Variants in CPNE4 observed in about 807,000 individuals in gnomAD.
The protein encoded by CPNE4 is copine 4.
In CPNE4, 25 loss-of-function variants were observed where a neutral mutation model predicts 67.9. The observed-to-expected ratio is 0.37, with a 90% confidence interval of 0.27 to 0.51. CPNE4 has a LOEUF of 0.51. Among genes scored for constraint, CPNE4 ranks in the 20% least tolerant of loss-of-function variants. The probability of loss-of-function intolerance (pLI) is 0.93; values close to 1 mark genes in which losing one functional copy is unlikely to be tolerated. For synonymous variants in CPNE4, 242 were observed against 244.9 expected (o/e 0.99, Z 0.11); for missense variants, 464 against 690.8 (o/e 0.67, Z 3.68).
At chr3:131,636,361 G>T (rs2079385763) in intron 7 of CPNE4, among the ~76,000 whole-genome samples, 1 of 152,094 alleles carries the variant, frequency 6.6e-6, no homozygotes, top group Admixed American at 6.5e-5. Context: ...TGAAGCCTGT[G>T]ACTGCTGTCT....
chr3:131,881,714 T>A (rs1407790831), intron 2 of CPNE4, among the ~76,000 whole-genome samples: 1 of 151,926 alleles, frequency 6.6e-6, no homozygotes, highest in Non-Finnish European at 1.5e-5. Context: ...TTCAGAAATC[T>A]CCAGAGAAAA....
At chr3:131,545,444 A>G (rs1935774198) in intron 14 of CPNE4, among the ~76,000 whole-genome samples, 1 of 152,166 alleles carries the variant, frequency 6.6e-6, no homozygotes. Flanking sequence ...TCTAAGTAAA[A>G]TTTATCATTT....
chr3:131,837,377 T>C (rs928100995), intron 2 of CPNE4, among the ~76,000 whole-genome samples: 1 of 152,094 alleles, frequency 6.6e-6, no homozygotes, highest in African/African-American at 2.4e-5. Flanking sequence ...GGACAAACTA[T>C]TGATACCCAA....
chr3:131,902,594 G>T (rs942411554), intron 2 of CPNE4, among the ~76,000 whole-genome samples: 1 of 152,056 alleles, frequency 6.6e-6, no homozygotes, highest in Non-Finnish European at 1.5e-5. Context: ...CAATATTGTA[G>T]CAATGTGAGG....
At chr3:132,035,161 G>A (rs2074318439), upstream of CPNE4, 1 of 576,006 alleles carries the variant, frequency 1.7e-6, no homozygotes, top group Non-Finnish European at 2.2e-6. Flanking sequence ...GCTCTCCGTG[G>A]TCCTGCCGCG....
chr3:131,775,411 A>G (rs1295158515), intron 2 of CPNE4, among the ~76,000 whole-genome samples: 3 of 152,122 alleles, frequency 2.0e-5, no homozygotes, highest in African/African-American at 7.2e-5. Flanking sequence ...CTAGAGAAAG[A>G]GAAAGGGGAT....
rs543794086 is a variant in CPNE4 at position 131,904,669 on chromosome 3, C to T, written c.180+595G>A. 2.0e-5 allele frequency among the ~76,000 whole-genome samples: 3 copies of T among 152,154 alleles called. No individual in the cohort carries two copies. The East Asian group carries it at 5.8e-4, about 29-fold the overall frequency. On this transcript the variant is annotated intron_variant, in intron 2 of 15. Transcript: ENST00000429747. ...GCCCAGCTCCCAAAAGTGGAGTTTGCCCCTCTACTGCAGACAGAGATTTCA... is the reference window on the plus strand; with the variant it reads ...GCCCAGCTCCCAAAAGTGGAGTTTGTCCCTCTACTGCAGACAGAGATTTCA...
chr3:131,876,315 T>C (rs2087449620), intron 2 of CPNE4, among the ~76,000 whole-genome samples: 1 of 151,704 alleles, frequency 6.6e-6, no homozygotes, highest in Non-Finnish European at 1.5e-5. Flanking sequence ...GCATGCTCTT[T>C]ATTTTTTGTG....
chr3:131,840,899 T>G (rs1328759167), intron 2 of CPNE4, among the ~76,000 whole-genome samples: 1 of 152,134 alleles, frequency 6.6e-6, no homozygotes, highest in Non-Finnish European at 1.5e-5. Context: ...GTGACTTCCT[T>G]TTAACCTTTC....
At chr3:131,954,036 A>G (rs2071860966) in intron 1 of CPNE4, among the ~76,000 whole-genome samples, 1 of 152,226 alleles carries the variant, frequency 6.6e-6, no homozygotes, top group African/African-American at 2.4e-5. Flanking sequence ...ATGTATAAAT[A>G]AGAAAGACAG....
At chr3:131,776,063 G>C (rs2083283173) in intron 2 of CPNE4, among the ~76,000 whole-genome samples, 1 of 152,094 alleles carries the variant, frequency 6.6e-6, no homozygotes. Flanking sequence ...TTTCAGGCTT[G>C]AATATCCTTT....
intron 2 of CPNE4, among the ~76,000 whole-genome samples, chr3:131,871,004 G>A (rs1376576292): frequency 1.3e-5 from 2 of 152,124 alleles, no homozygotes; most frequent in Non-Finnish European, 2.9e-5. Context: ...AAAGACAATA[G>A]TTTGGGAAAC....
intron 2 of CPNE4, among the ~76,000 whole-genome samples, chr3:131,899,245 C>A (rs1043991769): frequency 6.6e-6 from 1 of 152,136 alleles, no homozygotes; most frequent in Non-Finnish European, 1.5e-5. Context: ...AGCAGGCTGG[C>A]TAGCAGGAGG....
chr3:131,955,505 T>A (rs964140895), intron 1 of CPNE4, among the ~76,000 whole-genome samples: 1 of 137,858 alleles, frequency 7.3e-6, no homozygotes, highest in Non-Finnish European at 1.5e-5. Flanking sequence ...GAATCTCCCC[T>A]CCACTTCTGG....
intron 1 of CPNE4, among the ~76,000 whole-genome samples, chr3:131,952,541 C>A (rs554218488): frequency 1.1e-5 from 1 of 87,706 alleles, no homozygotes; most frequent in African/African-American, 3.3e-5. Context: ...GCCTCCCGCC[C>A]GGCCAGCCAC....
rs539105059 is a variant in CPNE4 at position 131,827,345 on chromosome 3, G to A, written c.180+77919C>T. ...GACTTTAATGTACATCTATTCAGGA[G>A]TGAAGCAAGACTGTGGTAAACTAGG... is the stretch of plus-strand genomic sequence containing the variant. On this transcript the variant is annotated intron_variant, in intron 2 of 15. Transcript: ENST00000429747. 2.0e-5 allele frequency among the ~76,000 whole-genome samples: 3 copies of A among 151,018 alleles called. No individual in the cohort carries two copies. The East Asian group carries it at 5.8e-4, about 29-fold the overall frequency.
chr3:131,830,101 C>G (rs903044518), intron 2 of CPNE4, among the ~76,000 whole-genome samples: 2 of 152,012 alleles, frequency 1.3e-5, no homozygotes, highest in Non-Finnish European at 2.9e-5. Context: ...ATCTGGATGC[C>G]CAACAGCCAA....
At chr3:131,605,081 A>G (rs1374520908) in intron 7 of CPNE4, among the ~76,000 whole-genome samples, 2 of 152,156 alleles carry the variant, frequency 1.3e-5, no homozygotes, top group Non-Finnish European at 2.9e-5. Context: ...AAGCCCAGGA[A>G]TGCTAGGTAA....
At chr3:131,613,658 T>C (rs967459794) in intron 7 of CPNE4, among the ~76,000 whole-genome samples, 2 of 152,184 alleles carry the variant, frequency 1.3e-5, no homozygotes, top group African/African-American at 4.8e-5. Flanking sequence ...CAAAAGGGAA[T>C]TTGTAAGCAA....
Sources: allele counts gnomAD v4.1 joint callset (sites outside exome capture counted in the v4.1 genomes callset), GRCh38; gene constraint gnomAD v4.1.1; transcripts MANE v1.5; gene names NCBI Gene and HGNC (gene_info 2026-07-23, HGNC 2026-07-21).